The following TTLL11 variants were observed in gnomAD, a reference collection of about 807,000 sequenced individuals.
TTLL11 encodes the protein tubulin polyglutamylase TTLL11.
In TTLL11, 42 loss-of-function variants were observed where a neutral mutation model predicts 51.7. The ratio of observed to expected loss-of-function variants is 0.81; its 90% CI spans 0.64 to 1.05. The LOEUF is 1.05. Ranked by LOEUF, TTLL11 falls within the 50% of genes least tolerant of loss-of-function variation. The pLI is 0.00. For missense variants in TTLL11, 799 were observed against 940.4 expected (o/e 0.85, Z 1.97); for synonymous variants, 381 against 383.5 (o/e 0.99, Z 0.08).
At chr9:121,838,582 T>C (rs553334677) in intron 8 of TTLL11, among the ~76,000 whole-genome samples, 1 of 151,860 alleles carries the variant, frequency 6.6e-6, no homozygotes, top group South Asian at 2.1e-4. Flanking sequence ...AGCAGGGCGT[T>C]GTGGCATGTG....
At chr9:122,004,247 A>C (rs1310050757) in intron 3 of TTLL11, among the ~76,000 whole-genome samples, 4 of 152,226 alleles carry the variant, frequency 2.6e-5, no homozygotes, top group African/African-American at 9.6e-5. Flanking sequence ...CCTGAGCTTG[A>C]AGCCCTTTCT....
intron 1 of TTLL11, among the ~76,000 whole-genome samples, chr9:122,068,149 G>T (rs182033626): frequency 6.6e-6 from 1 of 152,294 alleles, no homozygotes; most frequent in East Asian, 1.9e-4. Context: ...CATGAAAAAG[G>T]ATGCAGTAAA....
intron 6 of TTLL11, among the ~76,000 whole-genome samples, chr9:121,899,145 A>G (rs1461835611): frequency 1.3e-5 from 2 of 151,974 alleles, no homozygotes; most frequent in African/African-American, 4.8e-5. Context: ...TGAACTTGCC[A>G]GGCACAACTC....
intron 4 of TTLL11, among the ~76,000 whole-genome samples, chr9:121,987,365 C>T (rs1842965628): frequency 6.6e-6 from 1 of 152,102 alleles, no homozygotes; most frequent in Non-Finnish European, 1.5e-5. Context: ...CCCAGAGGTA[C>T]CCCTTCTTCT....
chr9:121,880,518 T>C (rs2131416167), intron 6 of TTLL11, among the ~76,000 whole-genome samples: 1 of 152,354 alleles, frequency 6.6e-6, no homozygotes, highest in East Asian at 1.9e-4. Context: ...AAGAAATTTT[T>C]TGAGAACTCA....
At chr9:121,874,168 T>A (rs1838475723) in intron 6 of TTLL11, among the ~76,000 whole-genome samples, 1 of 152,098 alleles carries the variant, frequency 6.6e-6, no homozygotes, top group Non-Finnish European at 1.5e-5. Flanking sequence ...GTCTGGTTAA[T>A]TTTTAAGTTT....
rs117670342 is a variant in TTLL11 at position 122,070,165 on chromosome 9, A to G, written c.462+22522T>C. On this transcript the variant is annotated intron_variant, in intron 1 of 8. Transcript: ENST00000321582. ...CAAGGGCTCTGACAAGACAGGAAGAAGTGGCTCCTTCTGCAGGGCAGGTGA... is the reference window on the plus strand; with the variant it reads ...CAAGGGCTCTGACAAGACAGGAAGAGGTGGCTCCTTCTGCAGGGCAGGTGA... 4.3e-4 allele frequency among the ~76,000 whole-genome samples: 66 copies of G among 152,290 alleles called. No homozygotes were observed. In the East Asian group the frequency reaches 0.012, roughly 29 times the overall value.
chr9:122,062,853 C>T (rs984464916), intron 1 of TTLL11, among the ~76,000 whole-genome samples: 17 of 152,034 alleles, frequency 1.1e-4, no homozygotes, highest in African/African-American at 1.2e-4. Flanking sequence ...AATTACTGTT[C>T]GCCGTAGCCT....
At chr9:121,834,230 G>A (rs900564507) in intron 8 of TTLL11, among the ~76,000 whole-genome samples, 13 of 152,164 alleles carry the variant, frequency 8.5e-5, no homozygotes, top group African/African-American at 3.1e-4. Flanking sequence ...GTCTGCTGCT[G>A]CACGGTTCCC....
chr9:122,079,441 G>A (rs1845943172), intron 1 of TTLL11, among the ~76,000 whole-genome samples: 1 of 152,108 alleles, frequency 6.6e-6, no homozygotes, highest in Non-Finnish European at 1.5e-5. Context: ...GCTGGGTGCA[G>A]TGGCTCATGC....
At chr9:121,849,749 T>G (rs1458565733) in intron 8 of TTLL11, among the ~76,000 whole-genome samples, 1 of 152,120 alleles carries the variant, frequency 6.6e-6, no homozygotes, top group African/African-American at 2.4e-5. Context: ...GTACACTAAG[T>G]GTTGACAAGG....
chr9:121,912,985 ACT>A (rs1211738025), intron 6 of TTLL11, among the ~76,000 whole-genome samples: 1 of 151,822 alleles, frequency 6.6e-6, no homozygotes, highest in Non-Finnish European at 1.5e-5. Context: ...ACCCACAGTG[ACT>A]CTGCTGAATT....
chr9:122,023,572 T>C (rs948072779), intron 3 of TTLL11, among the ~76,000 whole-genome samples: 4 of 151,990 alleles, frequency 2.6e-5, no homozygotes, highest in African/African-American at 4.8e-5. Flanking sequence ...AATTCCACAA[T>C]ATATAAAAAG....
At chr9:122,089,365 T>C (rs916949816) in intron 1 of TTLL11, among the ~76,000 whole-genome samples, 2 of 152,194 alleles carry the variant, frequency 1.3e-5, no homozygotes, top group Admixed American at 6.5e-5. Context: ...GAGTTCAAGA[T>C]GATCTCATCC....
chr9:122,084,464 G>C (rs150492595), intron 1 of TTLL11, among the ~76,000 whole-genome samples: 260 of 152,272 alleles, frequency 1.7e-3, no homozygotes, highest in Non-Finnish European at 3.0e-3. Flanking sequence ...TCCTGGAATA[G>C]AGAAACCTAA....
intron 6 of TTLL11, among the ~76,000 whole-genome samples, chr9:121,877,640 C>T (rs1207755723): frequency 1.3e-5 from 2 of 152,164 alleles, no homozygotes; most frequent in Admixed American, 6.5e-5. Flanking sequence ...AACATCAAAA[C>T]GCAACAAAAC....
intron 1 of TTLL11, among the ~76,000 whole-genome samples, chr9:122,040,083 C>A (rs1444281665): frequency 6.6e-6 from 1 of 152,152 alleles, no homozygotes; most frequent in Admixed American, 6.5e-5. Flanking sequence ...GCCAGGCAGC[C>A]TCTGCTGGCC....
At chr9:122,004,088 C>G (rs1364134307) in intron 3 of TTLL11, among the ~76,000 whole-genome samples, 1 of 151,676 alleles carries the variant, frequency 6.6e-6, no homozygotes, top group African/African-American at 2.4e-5. Context: ...CGCCATTACA[C>G]TCCAGCCTGG....
intron 6 of TTLL11, among the ~76,000 whole-genome samples, chr9:121,971,987 T>C (rs1217782316): frequency 6.6e-6 from 1 of 151,428 alleles, no homozygotes; most frequent in Non-Finnish European, 1.5e-5. Flanking sequence ...TGTCGGTGGG[T>C]GGGGACTAGG....
Sources: gnomAD v4.1 joint callset for allele counts (sites outside exome capture counted in the v4.1 genomes callset) on GRCh38, gnomAD v4.1.1 for gene constraint, MANE v1.5 for transcripts, NCBI Gene and HGNC (gene_info 2026-07-23, HGNC 2026-07-21) for gene names.